CSMD3: variants seen among roughly 807,000 people sequenced by gnomAD.
CSMD3 encodes the protein CUB and sushi domain-containing protein 3.
A neutral mutation model predicts 435.2 loss-of-function variants in CSMD3; 177 were observed. That is an observed-to-expected ratio of 0.41 (90% CI 0.36 to 0.46). The LOEUF is 0.46. Ranked by LOEUF, CSMD3 falls within the 20% of genes least tolerant of loss-of-function variation. The pLI is 0.34. For synonymous variants in CSMD3, 1,656 were observed against 1,520.5 expected, an observed-to-expected ratio of 1.09 and a Z score of -2.07; for missense variants, 4,265 against 4,504.6, an observed-to-expected ratio of 0.95 and a Z score of 1.52.
intron 1 of CSMD3, among the ~76,000 whole-genome samples, chr8:113,352,413 T>C (rs2094196153): frequency 6.6e-6 from 1 of 152,084 alleles, no homozygotes; most frequent in African/African-American, 2.4e-5. Context: ...CCCGAGAACC[T>C]TCAGAAGGAG....
chr8:113,389,159 T>C (rs1021496750), intron 1 of CSMD3, among the ~76,000 whole-genome samples: 1 of 151,666 alleles, frequency 6.6e-6, no homozygotes. Context: ...ATTCCCACTG[T>C]TAACAGCATG....
At chr8:113,355,327 T>C (rs1055531733) in intron 1 of CSMD3, among the ~76,000 whole-genome samples, 2 of 151,986 alleles carry the variant, frequency 1.3e-5, no homozygotes, top group Non-Finnish European at 2.9e-5. Context: ...TAGTCAGTTC[T>C]GGCTGCTACA....
intron 5 of CSMD3, among the ~76,000 whole-genome samples, chr8:113,067,235 C>A (rs1236435251): frequency 1.3e-5 from 2 of 152,054 alleles, no homozygotes; most frequent in East Asian, 1.9e-4. Context: ...AGTCTCAGTT[C>A]TTTATAGCAA....
chr8:112,557,459 T>C (rs567215452), intron 24 of CSMD3, among the ~76,000 whole-genome samples: 5 of 152,036 alleles, frequency 3.3e-5, no homozygotes, highest in Non-Finnish European at 7.4e-5. Flanking sequence ...AAACCAACCA[T>C]ATGATTAGAA....
At chr8:113,323,379 T>A (rs1045585598) in intron 1 of CSMD3, among the ~76,000 whole-genome samples, 2 of 152,206 alleles carry the variant, frequency 1.3e-5, no homozygotes, top group Non-Finnish European at 2.9e-5. Context: ...ATTATTATTT[T>A]ACTAGTGGCC....
chr8:112,966,925 T>C, intron 7 of CSMD3, among the ~76,000 whole-genome samples: 1 of 151,968 alleles, frequency 6.6e-6, no homozygotes. Context: ...ATTATCCTAG[T>C]GGAGAACAAA....
At position 112,492,454 on chromosome 8, in the gene CSMD3, A is replaced by G. The variant is rs147264080; in HGVS notation, c.5278+35T>C. ...TTTAAATATTTTTTGATTTTTTCTA[A>G]TCATGAAAATTCAGCCAAAAAATAT... On this transcript the variant is annotated intron_variant, in intron 31 of 70. Transcript: ENST00000297405. 42 of 1,541,014 alleles carry G rather than the reference A, an allele frequency of 2.7e-5. 1 individual carries two copies. The East Asian group carries it at 9.2e-4, about 34-fold the overall frequency.
chr8:112,605,155 A>C (rs1832692799), intron 22 of CSMD3, among the ~76,000 whole-genome samples: 1 of 152,202 alleles, frequency 6.6e-6, no homozygotes, highest in Non-Finnish European at 1.5e-5. Flanking sequence ...CTTTAAAGAA[A>C]AGGGAATGCT....
At chr8:112,533,024 T>A (rs1316889762) in intron 27 of CSMD3, among the ~76,000 whole-genome samples, 1 of 152,094 alleles carries the variant, frequency 6.6e-6, no homozygotes, top group Non-Finnish European at 1.5e-5. Context: ...TCTCTGCCAC[T>A]AACCTTAAGT....
intron 10 of CSMD3, among the ~76,000 whole-genome samples, chr8:112,898,492 C>T (rs1371376673): frequency 2.0e-5 from 3 of 151,028 alleles, no homozygotes; most frequent in Non-Finnish European, 3.0e-5. Context: ...TAAATGGACG[C>T]TATATTTAAC....
intron 28 of CSMD3, among the ~76,000 whole-genome samples, chr8:112,509,903 A>G (rs142690077): frequency 6.6e-6 from 1 of 152,240 alleles, no homozygotes; most frequent in East Asian, 1.9e-4. Context: ...TTTACTGAAT[A>G]TCTCTCTCTG....
intron 30 of CSMD3, among the ~76,000 whole-genome samples, chr8:112,501,518 C>A (rs1280268520): frequency 1.3e-5 from 2 of 152,160 alleles, no homozygotes; most frequent in Non-Finnish European, 2.9e-5. Flanking sequence ...CAATTAGCAA[C>A]TTCCAAGTTT....
chr8:112,846,118 T>G (rs2080310159), intron 11 of CSMD3, among the ~76,000 whole-genome samples: 2 of 151,880 alleles, frequency 1.3e-5, no homozygotes, highest in African/African-American at 2.4e-5. Context: ...AGCATATATC[T>G]TATTTGATAC....
At chr8:112,377,971 C>G (rs1487847076) in intron 38 of CSMD3, among the ~76,000 whole-genome samples, 1 of 152,026 alleles carries the variant, frequency 6.6e-6, no homozygotes, top group African/African-American at 2.4e-5. Context: ...CACTTCTAAT[C>G]AAAATACTAC....
At chr8:113,093,841 T>A (rs1455367057) in intron 5 of CSMD3, among the ~76,000 whole-genome samples, 1 of 152,172 alleles carries the variant, frequency 6.6e-6, no homozygotes, top group Non-Finnish European at 1.5e-5. Flanking sequence ...GCATTCTTAA[T>A]TTGAATAACA....
At chr8:112,656,007 C>A in intron 18 of CSMD3, 147 bp downstream of exon 18, 1 of 536,640 alleles carries the variant, frequency 1.9e-6, no homozygotes, top group Non-Finnish European at 3.3e-6. Context: ...CTAAAACACA[C>A]ACCTTATAAA....
chr8:112,506,668 G>C (rs1563632613), intron 29 of CSMD3, 23 bp downstream of exon 29: 1 of 1,609,674 alleles, frequency 6.2e-7, no homozygotes, highest in African/African-American at 1.3e-5. Flanking sequence ...TTTTAACGTG[G>C]AAATAAATAT....
At chr8:113,199,914 G>C (rs1026452309) in intron 3 of CSMD3, among the ~76,000 whole-genome samples, 3 of 151,814 alleles carry the variant, frequency 2.0e-5, no homozygotes, top group Non-Finnish European at 4.4e-5. Context: ...TCCAGGTGCA[G>C]GGCCTTGATT....
At chr8:112,566,269 A>C (rs1489160682) in intron 24 of CSMD3, among the ~76,000 whole-genome samples, 1 of 152,016 alleles carries the variant, frequency 6.6e-6, no homozygotes, top group African/African-American at 2.4e-5. Context: ...TGGGTGAGTA[A>C]GGTAACTTTG....
Sources: gnomAD v4.1 joint callset for allele counts (sites outside exome capture counted in the v4.1 genomes callset) on GRCh38, gnomAD v4.1.1 for gene constraint, MANE v1.5 for transcripts, NCBI Gene and HGNC (gene_info 2026-07-23, HGNC 2026-07-21) for gene names.